ANKRD33B: variants seen among roughly 807,000 people sequenced by gnomAD.
ANKRD33B encodes ankyrin repeat domain 33B.
A neutral mutation model predicts 21.5 loss-of-function variants in ANKRD33B; 6 were observed. The observed-to-expected ratio is 0.28, with a 90% CI of 0.15 to 0.55. ANKRD33B has a LOEUF of 0.55. Among genes scored for constraint, ANKRD33B ranks in the 20% least tolerant of loss-of-function variants. ANKRD33B has a pLI of 0.94. For missense variants in ANKRD33B, 698 were observed against 747.2 expected (o/e 0.93, Z 0.77); for synonymous variants, 347 against 342.4 (o/e 1.01, Z -0.15).
chr5:10,600,223 C>G (rs530696701), intron 1 of ANKRD33B, among the ~76,000 whole-genome samples: 2 of 152,332 alleles, frequency 1.3e-5, no homozygotes, highest in Admixed American at 6.5e-5. Flanking sequence ...ATGCACAACT[C>G]TTAAGGGTGT....
intron 1 of ANKRD33B, among the ~76,000 whole-genome samples, chr5:10,607,264 C>CCGT (rs916170918): frequency 2.6e-5 from 4 of 152,202 alleles, no homozygotes; most frequent in African/African-American, 9.7e-5. Flanking sequence ...CTCATTCATG[C>CCGT]TGTTGTGCGC....
At chr5:10,614,032 CAT>C (rs1459123265) in intron 1 of ANKRD33B, among the ~76,000 whole-genome samples, 5 of 69,020 alleles carry the variant, frequency 7.2e-5, no homozygotes, top group East Asian at 5.8e-4. Context: ...TGTGTATAAA[CAT>C]ATATGTAGAG....
At chr5:10,634,804 A>AC in intron 2 of ANKRD33B, among the ~76,000 whole-genome samples, 1 of 148,056 alleles carries the variant, frequency 6.8e-6, no homozygotes, top group African/African-American at 2.5e-5. Context: ...TTGTGCAAGG[A>AC]AGGCTGTGTG....
chr5:10,569,068 C>A (rs2962328), intron 1 of ANKRD33B, among the ~76,000 whole-genome samples: 125,297 of 152,182 alleles, frequency 0.82, 51,551 homozygotes, highest in East Asian at 0.88. Context: ...TTAATACTTC[C>A]GAAAGATTTA....
intron 1 of ANKRD33B, among the ~76,000 whole-genome samples, chr5:10,617,787 T>C (rs1736320226): frequency 6.6e-6 from 1 of 152,200 alleles, no homozygotes; most frequent in African/African-American, 2.4e-5. Flanking sequence ...GCCAATGGGC[T>C]GCTCCCTGGA....
intron 1 of ANKRD33B, among the ~76,000 whole-genome samples, chr5:10,580,545 C>T (rs1735422723): frequency 6.6e-6 from 1 of 152,304 alleles, no homozygotes; most frequent in South Asian, 2.1e-4. Context: ...CTCTACCCTG[C>T]TTTCTTTTCT....
intron 1 of ANKRD33B, among the ~76,000 whole-genome samples, chr5:10,571,233 G>A (rs1268520616): frequency 1.3e-5 from 2 of 151,918 alleles, no homozygotes; most frequent in African/African-American, 2.4e-5. Context: ...GATGGATCTC[G>A]CTCTGTTGCC....
At chr5:10,570,762 T>G (rs1735164911) in intron 1 of ANKRD33B, among the ~76,000 whole-genome samples, 1 of 152,154 alleles carries the variant, frequency 6.6e-6, no homozygotes, top group Admixed American at 6.5e-5. Context: ...TCTTGCTATG[T>G]TGCCCAGGCT....
intron 1 of ANKRD33B, among the ~76,000 whole-genome samples, chr5:10,575,512 T>C (rs1315839748): frequency 9.9e-5 from 15 of 151,830 alleles, no homozygotes; most frequent in Non-Finnish European, 1.5e-5. Context: ...ACGGAACCAG[T>C]TTTCTGTCCT....
At chr5:10,637,397 G>A (rs1736891917) in intron 2 of ANKRD33B, among the ~76,000 whole-genome samples, 1 of 142,672 alleles carries the variant, frequency 7.0e-6, no homozygotes, top group Admixed American at 7.3e-5. Context: ...GCGACACTCT[G>A]TGGGATGTGT....
chr5:10,602,316 C>T (rs1735951227), intron 1 of ANKRD33B, among the ~76,000 whole-genome samples: 2 of 152,266 alleles, frequency 1.3e-5, no homozygotes, highest in African/African-American at 4.8e-5. Flanking sequence ...TTCTAACACG[C>T]TCCCAGGGGA....
intron 1 of ANKRD33B, among the ~76,000 whole-genome samples, chr5:10,598,980 A>G (rs1735876129): frequency 6.6e-6 from 1 of 152,240 alleles, no homozygotes; most frequent in Non-Finnish European, 1.5e-5. Context: ...TTTGACAAAT[A>G]TATACACCTG....
At chr5:10,567,229 A>G (rs1339274694) in intron 1 of ANKRD33B, among the ~76,000 whole-genome samples, 1 of 152,144 alleles carries the variant, frequency 6.6e-6, no homozygotes, top group Non-Finnish European at 1.5e-5. Flanking sequence ...TTAGCTTCTC[A>G]AGGCTGTTGA....
At chr5:10,577,784 G>A (rs1161464483) in intron 1 of ANKRD33B, among the ~76,000 whole-genome samples, 1 of 152,238 alleles carries the variant, frequency 6.6e-6, no homozygotes, top group Non-Finnish European at 1.5e-5. Context: ...GTTAGATAAC[G>A]GGCAGGTTTC....
At chr5:10,584,398 T>C (rs1202491814) in intron 1 of ANKRD33B, among the ~76,000 whole-genome samples, 1 of 151,906 alleles carries the variant, frequency 6.6e-6, no homozygotes, top group Non-Finnish European at 1.5e-5. Flanking sequence ...ATGCAAAAAT[T>C]AGCCAGATGT....
At chr5:10,587,590 G>A (rs1735593850) in intron 1 of ANKRD33B, among the ~76,000 whole-genome samples, 2 of 147,722 alleles carry the variant, frequency 1.4e-5, no homozygotes, top group Admixed American at 6.8e-5. Flanking sequence ...AAAAAGAGAA[G>A]TACAAAGAAA....
intron 1 of ANKRD33B, among the ~76,000 whole-genome samples, chr5:10,572,089 A>G (rs1457300942): frequency 2.0e-5 from 3 of 152,050 alleles, no homozygotes; most frequent in African/African-American, 7.2e-5. Context: ...GGGTTTTACC[A>G]TGTTGGCCAG....
chr5:10,613,723 AC>A (rs1436224992), intron 1 of ANKRD33B, among the ~76,000 whole-genome samples: 3 of 151,304 alleles, frequency 2.0e-5, no homozygotes, highest in Non-Finnish European at 4.4e-5. Context: ...ATATGGTGAA[AC>A]CTCCATCTCT....
At chr5:10,620,695 C>T (rs763802966) in intron 2 of ANKRD33B, among the ~76,000 whole-genome samples, 4 of 152,170 alleles carry the variant, frequency 2.6e-5, no homozygotes, top group Admixed American at 6.5e-5. Flanking sequence ...AGGAGCACAT[C>T]GTATATTTTT....
Sources: gnomAD v4.1 joint callset for allele counts (sites outside exome capture counted in the v4.1 genomes callset) on GRCh38, gnomAD v4.1.1 for gene constraint, MANE v1.5 for transcripts, NCBI Gene and HGNC (gene_info 2026-07-23, HGNC 2026-07-21) for gene names.